CIAO1: variants seen among roughly 807,000 people sequenced by gnomAD.
CIAO1 encodes probable cytosolic iron-sulfur protein assembly protein CIAO1.
In CIAO1, 32 loss-of-function variants were observed where a neutral mutation model predicts 43.1. The ratio of observed to expected loss-of-function variants is 0.74; its 90% CI spans 0.56 to 1.00. The LOEUF is 1.00. Ranked by LOEUF, CIAO1 falls within the 50% of genes least tolerant of loss-of-function variation. The probability of loss-of-function intolerance (pLI) is 0.00; values close to 1 mark genes in which losing one functional copy is unlikely to be tolerated. For synonymous variants in CIAO1, 183 were observed against 171.4 expected, an observed-to-expected ratio of 1.07 and a Z score of -0.53; for missense variants, 415 against 437.4, an observed-to-expected ratio of 0.95 and a Z score of 0.46.
Position 96,271,163 on chromosome 2 carries a change from G to T in CIAO1, c.832G>T (p.Val278Leu), listed in dbSNP as rs371499283. The T allele has an allele frequency of 1.2e-6, 2 of 1,614,086 alleles. No individual in the cohort carries two copies. The highest frequency in any genetic ancestry group is 2.7e-5 in the African/African-American group (2 of 74,940). Reference protein sequence around the residue: ...ATACGDDAIRVFQEDPNSDPQ... With the variant: ...ATACGDDAIRLFQEDPNSDPQ... ...AGCTTGTGGGGATGACGCGATCCGC[G>T]TGTTTCAGGAGGATCCCAACTCGGA... Residue 278 changes from valine to leucine, a missense_variant, in exon 7 of 7, where the codon GTG becomes TTG. Transcript: ENST00000488633.
rs1684589589 is a variant in CIAO1 at position 96,273,329 on chromosome 2, T to C, written c.*1978T>C. Reference sequence around the variant, plus strand: ...TTTTAATGTATTAACAATATAAGAGTGCATTAAGTTTTCGGAGTCTACATT... The same window carrying C: ...TTTTAATGTATTAACAATATAAGAGCGCATTAAGTTTTCGGAGTCTACATT... On this transcript the variant is annotated 3_prime_UTR_variant, in exon 7 of 7. Transcript: ENST00000488633. The C allele has an allele frequency of 6.6e-6, 1 of 151,996 alleles. No individual in the cohort carries two copies. The highest frequency in any genetic ancestry group is 2.1e-4 in the South Asian group (1 of 4,816). 9.4% of individuals were successfully genotyped at this position (151,996 alleles called of 1,614,324 possible). A position where few individuals can be genotyped will look rare whatever the true frequency, so the allele number is the denominator to read the frequency against.
chr2:96,268,720 A>G, intron 5 of CIAO1, 62 bp downstream of exon 5: 1 of 1,545,688 alleles, frequency 6.5e-7, no homozygotes, highest in Non-Finnish European at 8.9e-7. Flanking sequence ...GTCTGCTAAG[A>G]CACGTACATG....
chr2:96,266,447 T>C lies in CIAO1; in HGVS notation c.97T>C (p.Ser33Pro). The change falls in exon 1 of 7, where the codon TCG becomes CCG. Residue 33 changes from serine to proline, a missense_variant. Transcript: ENST00000488633. ...AWNPAGTLLA[S>P]CGGDRRIRIW... ...GAACCCCGCGGGGACCCTGCTGGCC[T>C]CGTGCGGCGGCGACCGGAGAATCCG... is the stretch of plus-strand genomic sequence containing the variant. The C allele has an allele frequency of 6.4e-7, 1 of 1,556,976 alleles. No homozygotes were observed. The highest frequency in any genetic ancestry group is 2.5e-5 in the East Asian group (1 of 40,614).
In CIAO1 at chr2:96,272,206, C is replaced by G. The variant is rs1684566532; in HGVS notation, c.*855C>G. 1 of 152,182 alleles carries G rather than the reference C, an allele frequency of 6.6e-6. No individual in the cohort carries two copies. The highest frequency in any genetic ancestry group is 6.5e-5 in the Admixed American group (1 of 15,282). 9.4% of individuals were successfully genotyped at this position (152,182 alleles called of 1,614,324 possible). ...GTTGAGAAACACTGCCATCAGCAGG[C>G]AGTTTCAGACTCACTCAAGTTGTCT... On this transcript the variant is annotated 3_prime_UTR_variant, in exon 7 of 7. Coordinates refer to ENST00000488633, the MANE Select transcript of CIAO1 (RefSeq NM_004804.3).
At chr2:96,268,702 G>A (rs369168627) in intron 5 of CIAO1, 44 bp downstream of exon 5, 1 of 1,598,108 alleles carries the variant, frequency 6.3e-7, no homozygotes, top group African/African-American at 1.3e-5. Context: ...TCTCTCAAGG[G>A]GTTCACAGTC....
chr2:96,271,578 G>T lies in CIAO1; in HGVS notation c.*227G>T, dbSNP rs1436175719. On this transcript the variant is annotated 3_prime_UTR_variant, in exon 7 of 7. Transcript: ENST00000488633. ...AACATGAGTACATTGTTATACCACA[G>T]ATTTTTCTTGCATTAGGGCACAGTG... 3 of 533,600 alleles carry T rather than the reference G, an allele frequency of 5.6e-6. No individual in the cohort carries two copies. The highest frequency in any genetic ancestry group is 9.9e-6 in the Non-Finnish European group (3 of 302,580). The allele number at this position is 533,600 out of a possible 1,614,324, so 33.1% of individuals were successfully genotyped here.
rs757260622 is a variant in CIAO1 at position 96,267,434 on chromosome 2, A to C, written c.253A>C (p.Thr85Pro). The change falls in exon 2 of 7, where the codon ACT becomes CCT. Residue 85 changes from threonine (T) to proline (P), a missense_variant. Thr to Pro is a conservative substitution (Grantham distance 38). Transcript: ENST00000488633. ...YLASASFDAT[T>P]CIWKKNQDDF... ...GGCCTCTGCCAGCTTTGATGCTACC[A>C]CTTGCATTTGGAAGAAGAACCAGGA... 6.2e-7 allele frequency: 1 copy of C among 1,614,160 alleles called. No homozygotes were observed. Among genetic ancestry groups the C allele is most frequent in the East Asian group, 2.2e-5 (1 of 44,878 alleles).
rs1321176110 is a variant in CIAO1, at chr2:96,267,358, C to A, written c.177C>A (p.Gly59=). The change falls in exon 2 of 7, where the codon GGC becomes GGA. Residue 59 remains glycine, a synonymous_variant. Coordinates refer to ENST00000488633, the MANE Select transcript of CIAO1 (RefSeq NM_004804.3). ...TCTGCAAGTCTGTCCTTTCTGAAGG[C>A]CACCAGCGCACCGTGCGGAAGGTAG... The part of the protein sequence containing the change: ...SWICKSVLSE[G]HQRTVRKVAW... 6.2e-7 allele frequency: 1 copy of A among 1,613,808 alleles called. No individual in the cohort carries two copies. The highest frequency in any genetic ancestry group is 8.5e-7 in the Non-Finnish European group (1 of 1,179,860).
chr2:96,273,294 G>T lies in CIAO1; in HGVS notation c.*1943G>T, dbSNP rs1410828039. On this transcript the variant is annotated 3_prime_UTR_variant, in exon 7 of 7. Transcript: ENST00000488633. ...AAGATTGATTCAAAAGTGTAAGACA[G>T]GCCAGTGGATTTTAATGTATTAACA... The T allele has an allele frequency of 6.6e-6, 1 of 152,198 alleles. No individual in the cohort carries two copies. The highest frequency in any genetic ancestry group is 1.5e-5 in the Non-Finnish European group (1 of 68,050). The allele number at this position is 152,198 out of a possible 1,614,324, so 9.4% of individuals were successfully genotyped here. A position where few individuals can be genotyped will look rare whatever the true frequency, so the allele number is the denominator to read the frequency against.
intron 5 of CIAO1, chr2:96,268,981 G>T (rs539070259): frequency 2.1e-4 from 121 of 576,664 alleles, no homozygotes; most frequent in Admixed American, 7.1e-4. Flanking sequence ...GACGTCTGGG[G>T]TTTGGAGAGG....
chr2:96,269,010 G>A (rs925985060), intron 5 of CIAO1: 16 of 582,038 alleles, frequency 2.7e-5, no homozygotes, highest in Admixed American at 1.2e-4. Flanking sequence ...GGGTTGGGTC[G>A]GCTGGTGGGT....
chr2:96,266,529 G>T, intron 1 of CIAO1, 40 bp downstream of exon 1: 1 of 1,385,898 alleles, frequency 7.2e-7, no homozygotes, highest in Non-Finnish European at 9.5e-7. Context: ...AGCGCTGAGG[G>T]CTCAGCCTGC....
chr2:96,271,551 A>G lies in CIAO1; in HGVS notation c.*200A>G, dbSNP rs1684550260. Reference sequence around the variant, plus strand: ...CATGAGGCCTTCAGTAAAGAGCTACAGAACATGAGTACATTGTTATACCAC... The same window carrying G: ...CATGAGGCCTTCAGTAAAGAGCTACGGAACATGAGTACATTGTTATACCAC... On this transcript the variant is annotated 3_prime_UTR_variant, in exon 7 of 7. Transcript: ENST00000488633. 3.3e-6 allele frequency: 2 copies of G among 615,242 alleles called. No individual in the cohort carries two copies. Among genetic ancestry groups the G allele is most frequent in the Non-Finnish European group, 5.6e-6 (2 of 356,686 alleles). 38.1% of individuals were successfully genotyped at this position (615,242 alleles called of 1,614,324 possible).
rs945035098 is a variant in CIAO1 at position 96,267,416 on chromosome 2, G to T, written c.235G>T (p.Ala79Ser). Residue 79 changes from alanine to serine, a missense_variant, in exon 2 of 7, where the codon GCC (alanine) becomes TCC (serine). Physicochemically the swap from Ala to Ser is moderately conservative, Grantham distance 99. Coordinates refer to ENST00000488633, the MANE Select transcript of CIAO1 (RefSeq NM_004804.3). ...WSPCGNYLASASFDATTCIWK... is the reference protein window; with the variant it reads ...WSPCGNYLASSSFDATTCIWK... Reference sequence around the variant, plus strand: ...CCCCTGCGGTAATTACCTGGCCTCTGCCAGCTTTGATGCTACCACTTGCAT... The same window carrying T: ...CCCCTGCGGTAATTACCTGGCCTCTTCCAGCTTTGATGCTACCACTTGCAT... 3.1e-6 allele frequency: 5 copies of T among 1,614,084 alleles called. No individual in the cohort carries two copies. In the Admixed American group the frequency reaches 6.7e-5, roughly 22 times the overall value.
chr2:96,267,285 C>T, intron 1 of CIAO1, 36 bp from the exon 2 acceptor site: 5 of 1,591,208 alleles, frequency 3.1e-6, no homozygotes, highest in Non-Finnish European at 4.3e-6. Context: ...TGGTGCTGCA[C>T]CCAGCTCCAG....
Position 96,271,434 on chromosome 2 carries a change from G to A in CIAO1, c.*83G>A. 5 of 1,517,472 alleles carry A rather than the reference G, an allele frequency of 3.3e-6. No homozygotes were observed. The highest frequency in any genetic ancestry group is 1.2e-5 in the South Asian group (1 of 81,750). 94.0% of individuals were successfully genotyped at this position (1,517,472 alleles called of 1,614,324 possible). ...CCAGCCCCTGAGAGGACCAGGAGGA[G>A]CATCCTTGACCTTCATTTAACTTGG... is the stretch of plus-strand genomic sequence containing the variant. On this transcript the variant is annotated 3_prime_UTR_variant, in exon 7 of 7. Coordinates refer to ENST00000488633, the MANE Select transcript of CIAO1 (RefSeq NM_004804.3).
intron 5 of CIAO1, chr2:96,268,863 T>G: frequency 1.7e-6 from 1 of 587,556 alleles, no homozygotes; most frequent in Admixed American, 3.1e-5. Flanking sequence ...GATTTTAACA[T>G]GAGAATTTCA....
At chr2:96,269,729 G>A (rs1234057146) in intron 6 of CIAO1, among the ~76,000 whole-genome samples, 8 of 152,106 alleles carry the variant, frequency 5.3e-5, no homozygotes, top group Non-Finnish European at 1.2e-4. Flanking sequence ...CTCACTGCAA[G>A]CTCCGTCTCC....
At position 96,271,190 on chromosome 2, in the gene CIAO1, C is replaced by T; in HGVS notation, c.859C>T (p.Pro287Ser). The T allele has an allele frequency of 6.2e-7, 1 of 1,614,248 alleles. No individual in the cohort carries two copies. Among genetic ancestry groups the T allele is most frequent in the South Asian group, 1.1e-5 (1 of 91,090 alleles). Reference sequence around the variant, plus strand: ...GTTTCAGGAGGATCCCAACTCGGATCCACAGCAGCCCACCTTCTCCCTGAC... The same window carrying T: ...GTTTCAGGAGGATCCCAACTCGGATTCACAGCAGCCCACCTTCTCCCTGAC... ...RVFQEDPNSD[P>S]QQPTFSLTAH... The change falls in exon 7 of 7, where the codon CCA becomes TCA. Residue 287 changes from proline (P) to serine (S), a missense_variant. Transcript: ENST00000488633.
Sources: gnomAD v4.1 joint callset for allele counts (sites outside exome capture counted in the v4.1 genomes callset) on GRCh38, gnomAD v4.1.1 for gene constraint, MANE v1.5 for transcripts, NCBI Gene and HGNC (gene_info 2026-07-23, HGNC 2026-07-21) for gene names.